ITGA11: variants seen among roughly 807,000 people sequenced by gnomAD.
The protein encoded by ITGA11 is integrin subunit alpha 11, also known as integrin alpha-11.
In ITGA11, 97 loss-of-function variants were observed where a neutral mutation model predicts 141.9. The ratio of observed to expected loss-of-function variants is 0.68; its 90% CI spans 0.58 to 0.81. ITGA11 has a LOEUF of 0.81. Among genes scored for constraint, ITGA11 ranks in the 30% least tolerant of loss-of-function variants. The pLI is 0.00. For missense variants in ITGA11, 1,387 were observed against 1,559.2 expected (o/e 0.89, Z 1.86); for synonymous variants, 658 against 624.6 (o/e 1.05, Z -0.80).
intron 11 of ITGA11, 125 bp downstream of exon 11, chr15:68,339,375 G>T (rs866958778): frequency 9.1e-7 from 1 of 1,099,212 alleles, no homozygotes; most frequent in Admixed American, 2.2e-5. Flanking sequence ...TCAGAGTTGG[G>T]TGCTTGAATC....
chr15:68,365,172 C>T, intron 3 of ITGA11: 1 of 985,426 alleles, frequency 1.0e-6, no homozygotes, highest in Non-Finnish European at 1.2e-6. Context: ...TGTGCAGTAT[C>T]CCCGCTACGC....
intron 22 of ITGA11, among the ~76,000 whole-genome samples, chr15:68,314,728 C>T (rs909821647): frequency 6.6e-6 from 1 of 152,180 alleles, no homozygotes; most frequent in African/African-American, 2.4e-5. Flanking sequence ...GAGGCCTTGC[C>T]AAGTTTGCCA....
chr15:68,393,286 G>A (rs1162396852), intron 2 of ITGA11, among the ~76,000 whole-genome samples: 2 of 152,148 alleles, frequency 1.3e-5, no homozygotes, highest in Non-Finnish European at 2.9e-5. Context: ...GAAAGAAAAG[G>A]AGAGAAGAAA....
At chr15:68,415,488 A>G (rs1896867406) in intron 1 of ITGA11, among the ~76,000 whole-genome samples, 1 of 152,156 alleles carries the variant, frequency 6.6e-6, no homozygotes, top group Admixed American at 6.5e-5. Context: ...CCATGGTATG[A>G]GCACACCCCT....
At position 68,315,656 on chromosome 15, in the gene ITGA11, T is replaced by C. The variant is rs369577730; in HGVS notation, c.2787A>G (p.Ala929=). 6.2e-7 allele frequency: 1 copy of C among 1,613,130 alleles called. No homozygotes were observed. The highest frequency in any genetic ancestry group is 8.5e-7 in the Non-Finnish European group (1 of 1,179,452). Residue 929 remains alanine (A), a synonymous_variant, in exon 22 of 30, where the codon GCA becomes GCG. Coordinates refer to ENST00000315757, the MANE Select transcript of ITGA11 (RefSeq NM_001004439.2). ...FLHHLEIELA[A]GSDSNERDST... ...GGAGCAGGCACGGCCCTGACCTGCCTGCAGCGAGCTCGATCTCCAGGTGGT... is the reference window on the plus strand; with the variant it reads ...GGAGCAGGCACGGCCCTGACCTGCCCGCAGCGAGCTCGATCTCCAGGTGGT...
intron 1 of ITGA11, among the ~76,000 whole-genome samples, chr15:68,410,707 C>CT (rs1397761982): frequency 6.6e-6 from 1 of 152,202 alleles, no homozygotes; most frequent in Middle Eastern, 3.2e-3. Flanking sequence ...AAAGAGGCAT[C>CT]TAGGAAGGCA....
intron 11 of ITGA11, among the ~76,000 whole-genome samples, chr15:68,337,562 C>T (rs968369310): frequency 6.6e-6 from 1 of 152,088 alleles, no homozygotes; most frequent in African/African-American, 2.4e-5. Context: ...AGACCCCCAC[C>T]CAAGGCAGTG....
intron 7 of ITGA11, among the ~76,000 whole-genome samples, chr15:68,355,151 G>A (rs1016848865): frequency 6.6e-6 from 1 of 152,202 alleles, no homozygotes; most frequent in African/African-American, 2.4e-5. Flanking sequence ...GAGAGCTGGT[G>A]GTTATGGGCT....
chr15:68,401,021 C>T (rs1411983623), intron 2 of ITGA11, among the ~76,000 whole-genome samples: 1 of 136,004 alleles, frequency 7.4e-6, no homozygotes, highest in Non-Finnish European at 1.5e-5. Flanking sequence ...AAAAGACACA[C>T]AACACAATCT....
chr15:68,397,259 TATTATAAAAA>T (rs1896303732), intron 2 of ITGA11, among the ~76,000 whole-genome samples: 1 of 44 alleles, frequency 0.023, no homozygotes, highest in African/African-American at 0.25. Flanking sequence ...TTTTATAAAA[TATTATAAAAA>T]TATTAAATTA....
intron 2 of ITGA11, among the ~76,000 whole-genome samples, chr15:68,399,082 T>A (rs944422299): frequency 2.8e-4 from 42 of 151,954 alleles, no homozygotes; most frequent in Admixed American, 5.9e-4. Context: ...GACTTAAAAA[T>A]TTATATGGAA....
chr15:68,321,566 G>T lies in ITGA11; in HGVS notation c.2323-63C>A. The T allele has an allele frequency of 9.5e-7, 1 of 1,051,600 alleles. No individual in the cohort carries two copies. The highest frequency in any genetic ancestry group is 1.4e-6 in the Non-Finnish European group (1 of 717,708). The allele number at this position is 1,051,600 out of a possible 1,614,324, so 65.1% of individuals were successfully genotyped here. On this transcript the variant is annotated intron_variant, in intron 18 of 29. Transcript: ENST00000315757. The surrounding 1 kb of genome is among the most constrained non-coding windows in gnomAD (Gnocchi z 4.9). The stretch of plus-strand genomic sequence containing the variant: ...GGACCCGCAGCCCCTCGCCCTCAAT[G>T]TACACCAGCTCTGTCTCCACCACAC...
Position 68,322,157 on chromosome 15 carries a change from G to A in ITGA11, c.2323-654C>T, listed in dbSNP as rs561974643. ...TCTGGGAAATGATAGGTGGGTCAGT[G>A]TTGCTGTGGTAAGAGACACAGGGGT... On this transcript the variant is annotated intron_variant, in intron 18 of 29. Transcript: ENST00000315757. This position sits in a 1 kb window ranked among gnomAD's most constrained non-coding sequence, Gnocchi z 5.6. Among the ~76,000 whole-genome samples the A allele has an allele frequency of 1.3e-5, 2 of 152,318 alleles. No homozygotes were observed. The highest frequency in any genetic ancestry group is 3.9e-4 in the East Asian group (2 of 5,176).
At chr15:68,365,827 C>T (rs1478869513) in intron 3 of ITGA11, among the ~76,000 whole-genome samples, 1 of 151,976 alleles carries the variant, frequency 6.6e-6, no homozygotes, top group Non-Finnish European at 1.5e-5. Context: ...TCTCCAACTC[C>T]CAGGTTCGAG....
chr15:68,368,872 T>TTC (rs1195695188), intron 3 of ITGA11, among the ~76,000 whole-genome samples: 25 of 151,236 alleles, frequency 1.7e-4, no homozygotes, highest in African/African-American at 5.3e-4. Context: ...TTTTTTTTTT[T>TTC]TTTTCTCCTG....
At chr15:68,353,475 C>T (rs1369733366) in intron 7 of ITGA11, among the ~76,000 whole-genome samples, 1 of 152,140 alleles carries the variant, frequency 6.6e-6, no homozygotes, top group Non-Finnish European at 1.5e-5. Context: ...AGGAATAAAA[C>T]ACCCTGCAAA....
In ITGA11 at chr15:68,303,187, C is replaced by T. The variant is rs917531945; in HGVS notation, c.3496-57G>A. The T allele has an allele frequency of 7.0e-7, 1 of 1,434,310 alleles. No individual in the cohort carries two copies. Among genetic ancestry groups the T allele is most frequent in the South Asian group, 1.2e-5 (1 of 81,022 alleles). 88.8% of individuals were successfully genotyped at this position (1,434,310 alleles called of 1,614,324 possible). On this transcript the variant is annotated intron_variant, in intron 29 of 29. Coordinates refer to ENST00000315757, the MANE Select transcript of ITGA11 (RefSeq NM_001004439.2). The surrounding 1 kb of genome is among the most constrained non-coding windows in gnomAD (Gnocchi z 5.3). Reference sequence around the variant, plus strand: ...GAGGACAGGGTGGGCAAGGCCTGCCCCAGCTTTCCCTCCACTACCTTTCCT... The same window carrying T: ...GAGGACAGGGTGGGCAAGGCCTGCCTCAGCTTTCCCTCCACTACCTTTCCT...
chr15:68,403,368 C>T (rs115550021), intron 1 of ITGA11, among the ~76,000 whole-genome samples: 3,893 of 152,230 alleles, frequency 0.026, 151 homozygotes, highest in African/African-American at 0.086. Context: ...GCGGATCCCT[C>T]ATGAATTGCT....
chr15:68,391,842 G>A (rs552740080), intron 2 of ITGA11, among the ~76,000 whole-genome samples: 18 of 152,180 alleles, frequency 1.2e-4, no homozygotes, highest in South Asian at 4.1e-4. Flanking sequence ...ATATTTTGCC[G>A]AGTCTAGTAA....
Sources: gnomAD v4.1 joint callset for allele counts (sites outside exome capture counted in the v4.1 genomes callset) on GRCh38, gnomAD v4.1.1 for gene constraint, Gnocchi (gnomAD v3.1) non-coding constraint, MANE v1.5 for transcripts, NCBI Gene and HGNC (gene_info 2026-07-23, HGNC 2026-07-21) for gene names.